Variants in CSMD1 observed in about 807,000 individuals in gnomAD.
The protein encoded by CSMD1 is CUB and Sushi multiple domains 1.
In CSMD1, 213 loss-of-function variants were observed where a neutral mutation model predicts 417.5. The ratio of observed to expected loss-of-function variants is 0.51; its 90% CI spans 0.46 to 0.57. The LOEUF is 0.57. CSMD1 is among the 20% of genes least tolerant of loss of function. The pLI, the probability that CSMD1 is intolerant of heterozygous loss-of-function variation, is 0.00. For missense variants in CSMD1, 6,923 were observed against 4,529.7 expected (o/e 1.53, Z -15.17); for synonymous variants, 2,862 against 1,736.8 (o/e 1.65, Z -16.11).
intron 3 of CSMD1, among the ~76,000 whole-genome samples, chr8:4,068,339 G>A (rs774883117): frequency 1.3e-5 from 2 of 152,098 alleles, no homozygotes; most frequent in Non-Finnish European, 2.9e-5. Flanking sequence ...CATGAGAGTG[G>A]GGCTCAAAGC....
In CSMD1 at chr8:3,387,578, C is replaced by G. The variant is rs1585089721; in HGVS notation, c.2698G>C (p.Asp900His). Residue 900 changes from aspartate (D) to histidine (H), a missense_variant, in exon 18 of 70, where the codon GAC (aspartate) becomes CAC (histidine). By Grantham distance (81) the Asp-to-His change is moderately conservative (BLOSUM62 -1). Coordinates refer to ENST00000635120, the MANE Select transcript of CSMD1 (RefSeq NM_033225.6). The part of the protein sequence containing the change: ...GIRSTVTFSC[D>H]PGYTLSDDEP... ...TCGTCACTTAGTGTGTACCCCGGGT[C>G]ACAGCTGAAAGTCACTGTGGACCTG... 1 of 1,601,210 alleles carries G rather than the reference C, an allele frequency of 6.2e-7. No homozygotes were observed. The highest frequency in any genetic ancestry group is 8.5e-7 in the Non-Finnish European group (1 of 1,173,844).
chr8:4,267,203 A>G (rs1009299887), intron 3 of CSMD1, among the ~76,000 whole-genome samples: 1 of 104,598 alleles, frequency 9.6e-6, no homozygotes, highest in African/African-American at 2.6e-5. Context: ...GCACAACAAA[A>G]GAATCCATTA....
intron 1 of CSMD1, among the ~76,000 whole-genome samples, chr8:4,666,766 T>C (rs975095485): frequency 5.3e-5 from 8 of 152,202 alleles, no homozygotes; most frequent in East Asian, 1.9e-4. Flanking sequence ...ATCAGATATG[T>C]ATTTTGCAAA....
intron 3 of CSMD1, among the ~76,000 whole-genome samples, chr8:4,190,683 T>C (rs1056821736): frequency 1.3e-5 from 2 of 152,128 alleles, no homozygotes; most frequent in Non-Finnish European, 2.9e-5. Context: ...CCAGATAGAT[T>C]TTTCATTATG....
chr8:3,535,958 T>C (rs1798179517), intron 10 of CSMD1, among the ~76,000 whole-genome samples: 1 of 152,108 alleles, frequency 6.6e-6, no homozygotes, highest in South Asian at 2.1e-4. Context: ...TCGGTTACAG[T>C]TATATGACAG....
intron 3 of CSMD1, among the ~76,000 whole-genome samples, chr8:4,353,553 T>C (rs1254851611): frequency 1.3e-5 from 2 of 151,944 alleles, no homozygotes; most frequent in African/African-American, 4.8e-5. Context: ...CTAGGAAATA[T>C]ACTAGATCAC....
At chr8:4,195,144 T>A (rs1484648457) in intron 3 of CSMD1, among the ~76,000 whole-genome samples, 2 of 152,212 alleles carry the variant, frequency 1.3e-5, no homozygotes, top group African/African-American at 2.4e-5. Flanking sequence ...TCTACTTTGA[T>A]GACAGTTCTA....
At chr8:3,998,380 C>G (rs1377282772) in intron 4 of CSMD1, among the ~76,000 whole-genome samples, 1 of 152,092 alleles carries the variant, frequency 6.6e-6, no homozygotes, top group Non-Finnish European at 1.5e-5. Context: ...GTGTAGTTGC[C>G]ATGTACCTGA....
chr8:3,982,196 TAAAA>T (rs67468358), intron 5 of CSMD1, among the ~76,000 whole-genome samples: 2 of 144,532 alleles, frequency 1.4e-5, no homozygotes, highest in Non-Finnish European at 3.0e-5. Flanking sequence ...ATAATATTAA[TAAAA>T]AAAATAATAA....
chr8:4,090,856 C>T (rs987155100), intron 3 of CSMD1, among the ~76,000 whole-genome samples: 2 of 151,398 alleles, frequency 1.3e-5, no homozygotes, highest in African/African-American at 4.9e-5. Flanking sequence ...GAAGGGATGC[C>T]ATAACTATTT....
chr8:3,328,021 A>G (rs1022213644), intron 23 of CSMD1, among the ~76,000 whole-genome samples: 1 of 152,146 alleles, frequency 6.6e-6, no homozygotes, highest in Admixed American at 6.5e-5. Flanking sequence ...TTCGGGTTCC[A>G]GTTTCCAGAA....
chr8:3,615,003 T>G (rs1377749807), intron 8 of CSMD1, among the ~76,000 whole-genome samples: 1 of 152,184 alleles, frequency 6.6e-6, no homozygotes, highest in African/African-American at 2.4e-5. Context: ...TGGGGAGCCC[T>G]TGGAAGAATG....
chr8:3,620,620 T>C (rs988612953), intron 7 of CSMD1, among the ~76,000 whole-genome samples: 1 of 152,130 alleles, frequency 6.6e-6, no homozygotes, highest in Non-Finnish European at 1.5e-5. Context: ...GGATGTTATA[T>C]GTTATCTCCA....
At chr8:4,470,299 C>T (rs974142786) in intron 2 of CSMD1, among the ~76,000 whole-genome samples, 5 of 152,204 alleles carry the variant, frequency 3.3e-5, no homozygotes, top group Non-Finnish European at 5.9e-5. Context: ...TCTCCTTCAA[C>T]CTTTATTTCA....
At chr8:4,275,571 A>T (rs756002200) in intron 3 of CSMD1, among the ~76,000 whole-genome samples, 15 of 152,170 alleles carry the variant, frequency 9.9e-5, no homozygotes, top group Non-Finnish European at 1.9e-4. Context: ...GTGTTCCTAA[A>T]ATTGGCATAG....
At chr8:3,516,086 AG>A (rs142349938) in intron 10 of CSMD1, among the ~76,000 whole-genome samples, 2,835 of 152,328 alleles carry the variant, frequency 0.019, 95 homozygotes, top group African/African-American at 0.065. Context: ...GAGCTCAGAC[AG>A]CCTGGTTACT....
chr8:4,623,065 T>C (rs1452760498), intron 2 of CSMD1, among the ~76,000 whole-genome samples: 1 of 152,146 alleles, frequency 6.6e-6, no homozygotes, highest in Non-Finnish European at 1.5e-5. Context: ...AGGATAAATG[T>C]TGGTGGAAGG....
At chr8:4,460,395 T>G (rs888647980) in intron 2 of CSMD1, among the ~76,000 whole-genome samples, 7 of 152,066 alleles carry the variant, frequency 4.6e-5, no homozygotes, top group Non-Finnish European at 1.0e-4. Context: ...AAATCTTACA[T>G]AAATAGCCTC....
chr8:3,991,418 C>T (rs73658522), intron 5 of CSMD1, among the ~76,000 whole-genome samples: 2,942 of 152,188 alleles, frequency 0.019, 85 homozygotes, highest in African/African-American at 0.065. Context: ...CATCTTTATG[C>T]GACAGCTTCA....
Sources: gnomAD v4.1 joint callset for allele counts (sites outside exome capture counted in the v4.1 genomes callset) on GRCh38, gnomAD v4.1.1 for gene constraint, MANE v1.5 for transcripts, NCBI Gene and HGNC (gene_info 2026-07-23, HGNC 2026-07-21) for gene names.